Variants in NOL7 observed in about 807,000 individuals in gnomAD.
The protein encoded by NOL7 is U3 small nucleolar RNA-associated protein NOL7.
A neutral mutation model predicts 38.4 loss-of-function variants in NOL7; 36 were observed. That is an observed-to-expected ratio of 0.94 (90% CI 0.72 to 1.24). The LOEUF (loss-of-function observed/expected upper bound fraction) is 1.24, where lower values mean the gene tolerates loss of function less well. Among genes scored for constraint, NOL7 ranks in the 50% most tolerant of loss-of-function variants. NOL7 has a pLI of 0.00. For synonymous variants in NOL7, 142 were observed against 126.5 expected (o/e 1.12, Z -0.82); for missense variants, 350 against 315.1 (o/e 1.11, Z -0.84).
exon 9 of NOL7, chr6:13,632,437 A>G: frequency 6.2e-7 from 1 of 1,613,998 alleles, no homozygotes; most frequent in Non-Finnish European, 8.5e-7. Context: ...CATTGCTTGC[A>G]GCTCTCGTCC....
At chr6:13,625,630 G>A, downstream of NOL7, 1 of 1,504,058 alleles carries the variant, frequency 6.6e-7, no homozygotes, top group Non-Finnish European at 9.2e-7. Context: ...AACTGAAATT[G>A]TGCCTTATTT....
At chr6:13,620,356 C>CT in intron 6 of NOL7, 27 bp downstream of exon 6, 1 of 1,613,636 alleles carries the variant, frequency 6.2e-7, no homozygotes, top group Non-Finnish European at 8.5e-7. Flanking sequence ...CTATTTTTCT[C>CT]ACTTTTTACT....
intron 5 of NOL7, 57 bp from the exon 6 acceptor site, chr6:13,620,151 A>G (rs1209418283): frequency 2.6e-6 from 4 of 1,562,036 alleles, no homozygotes; most frequent in African/African-American, 1.4e-5. Flanking sequence ...TCAGGAAGAA[A>G]AAAAAAAGAA....
intron 5 of NOL7, among the ~76,000 whole-genome samples, chr6:13,618,599 C>A (rs1764352233): frequency 6.6e-6 from 1 of 152,120 alleles, no homozygotes; most frequent in Admixed American, 6.6e-5. Flanking sequence ...TGTGGAAAAA[C>A]CAATTTTGGG....
At position 13,615,643 on chromosome 6, in the gene NOL7, G is replaced by A. The variant is rs1272433985; in HGVS notation, c.266+19G>A. On this transcript the variant is annotated intron_variant, in intron 1 of 7. Transcript: ENST00000451315. ...TGCGCAGGTTCGGAGCCCGCTGCCC[G>A]GCGGGGAGAACCGCCCTTTCTCGTC... 3.7e-6 allele frequency: 6 copies of A among 1,610,580 alleles called. No homozygotes were observed. The highest frequency in any genetic ancestry group is 5.1e-6 in the Non-Finnish European group (6 of 1,178,160).
intron 4 of NOL7, 37 bp downstream of exon 4, chr6:13,617,838 G>A (rs1302907575): frequency 6.3e-7 from 1 of 1,585,688 alleles, no homozygotes; most frequent in Admixed American, 1.7e-5. Context: ...TCTCATGTAA[G>A]TGTCAAGTGC....
downstream of NOL7, among the ~76,000 whole-genome samples, chr6:13,624,955 C>T (rs1012574800): frequency 6.6e-6 from 1 of 152,154 alleles, no homozygotes; most frequent in African/African-American, 2.4e-5. Context: ...GCTTAGGCTG[C>T]TGCTACCCAT....
Position 13,621,297 on chromosome 6 carries a change from G to GAA in NOL7, c.*471_*472dup, listed in dbSNP as rs1237048056. On this transcript the variant is annotated 3_prime_UTR_variant, in exon 8 of 8. Coordinates refer to ENST00000451315, the MANE Select transcript of NOL7 (RefSeq NM_016167.5). ...GCCATATTATGAATATGAAAATAAT[G>GAA]AAGTTAATTTCCTGTTGCCTTTCTG... The GAA allele has an allele frequency of 6.6e-6, 1 of 152,420 alleles. No homozygotes were observed. Among genetic ancestry groups the GAA allele is most frequent in the Non-Finnish European group, 1.5e-5 (1 of 68,172 alleles). 9.4% of individuals were successfully genotyped at this position (152,420 alleles called of 1,614,324 possible).
At position 13,615,526 on chromosome 6, in the gene NOL7, C is replaced by G; in HGVS notation, c.168C>G (p.Asp56Glu). 1 of 1,556,882 alleles carries G rather than the reference C, an allele frequency of 6.4e-7. No individual in the cohort carries two copies. The highest frequency in any genetic ancestry group is 8.7e-7 in the Non-Finnish European group (1 of 1,149,856). ...AEPLEEDEEG[D>E]DEFDDEAPEE... ...CCCTGGAGGAAGACGAGGAAGGGGACGATGAGTTTGACGATGAGGCCCCGG... is the reference window on the plus strand; with the variant it reads ...CCCTGGAGGAAGACGAGGAAGGGGAGGATGAGTTTGACGATGAGGCCCCGG... Residue 56 changes from aspartate (D) to glutamate (E), a missense_variant, in exon 1 of 8, where the codon GAC (aspartate) becomes GAG (glutamate). By Grantham distance (45) the Asp-to-Glu change is conservative. Coordinates refer to ENST00000451315, the MANE Select transcript of NOL7 (RefSeq NM_016167.5).
rs149124203 is a variant in NOL7, at chr6:13,621,275, A to G, written c.*448A>G. On this transcript the variant is annotated 3_prime_UTR_variant, in exon 8 of 8. Transcript: ENST00000451315. ...GCTTGCCTGGTGAGTCTCATATGCC[A>G]TATTATGAATATGAAAATAATGAAG... 31 of 152,740 alleles carry G rather than the reference A, an allele frequency of 2.0e-4. No homozygotes were observed. Among genetic ancestry groups the G allele is most frequent in the African/African-American group, 5.5e-4 (23 of 41,574 alleles). 9.5% of individuals were successfully genotyped at this position (152,740 alleles called of 1,614,324 possible).
chr6:13,615,726 T>C lies in NOL7; in HGVS notation c.281T>C (p.Leu94Pro). The C allele has an allele frequency of 6.2e-7, 1 of 1,614,224 alleles. No individual in the cohort carries two copies. The highest frequency in any genetic ancestry group is 8.5e-7 in the Non-Finnish European group (1 of 1,180,034). Residue 94 changes from leucine (L) to proline (P), a missense_variant, in exon 2 of 8, where the codon CTG (leucine) becomes CCG (proline). Coordinates refer to ENST00000451315, the MANE Select transcript of NOL7 (RefSeq NM_016167.5). ...CTTCCTCCCAGGGATAAAACGCTCC[T>C]GAAGGAGAAGAGGAAGCGACGCGAG... ...RETVRRDKTL[L>P]KEKRKRREEL...
chr6:13,632,118 C>CTTTTTTTTTTTTTTTTTTTTTTTTTT (rs752500098), intron 8 of NOL7, among the ~76,000 whole-genome samples: 1 of 74,922 alleles, frequency 1.3e-5, no homozygotes. Context: ...GGATTTAATC[C>CTTTTTTTTTTTTTTTTTTTTTTTTTT]TTTTTTTTTT....
chr6:13,627,227 A>G (rs980192927), intron 8 of NOL7, among the ~76,000 whole-genome samples: 1 of 152,200 alleles, frequency 6.6e-6, no homozygotes, highest in African/African-American at 2.4e-5. Flanking sequence ...TATGCATCCC[A>G]CAAAGCTACT....
intron 3 of NOL7, 33 bp downstream of exon 3, chr6:13,616,554 A>T (rs1162090593): frequency 7.1e-7 from 1 of 1,401,828 alleles, no homozygotes; most frequent in East Asian, 2.3e-5. Context: ...TTACTTGCTT[A>T]TATACACCCA....
intron 3 of NOL7, among the ~76,000 whole-genome samples, chr6:13,617,290 C>T (rs1764318314): frequency 6.6e-6 from 1 of 150,738 alleles, no homozygotes; most frequent in African/African-American, 2.5e-5. Flanking sequence ...TGGCCTTTCT[C>T]CTGTGCAAAT....
downstream of NOL7, chr6:13,625,602 T>C (rs758859600): frequency 1.4e-5 from 19 of 1,364,450 alleles, no homozygotes; most frequent in Admixed American, 6.8e-5. Context: ...CACCCTCTCT[T>C]AAATTTTCAG....
Position 13,615,549 on chromosome 6 carries a change from C to A in NOL7, c.191C>A (p.Pro64Gln). 6.4e-7 allele frequency: 1 copy of A among 1,561,306 alleles called. No individual in the cohort carries two copies. Among genetic ancestry groups the A allele is most frequent in the East Asian group, 2.4e-5 (1 of 41,858 alleles). ...EGDDEFDDEA[P>Q]EELTFASAQA... ...GACGATGAGTTTGACGATGAGGCCC[C>A]GGAGGAGCTGACTTTCGCCAGCGCC... Residue 64 changes from proline (P) to glutamine (Q), a missense_variant, in exon 1 of 8, where the codon CCG becomes CAG. By Grantham distance (76) the Pro-to-Gln change is moderately conservative. Transcript: ENST00000451315.
chr6:13,615,718 A>G lies in NOL7; in HGVS notation c.273A>G (p.Lys91=). 6.2e-7 allele frequency: 1 copy of G among 1,614,252 alleles called. No individual in the cohort carries two copies. The highest frequency in any genetic ancestry group is 8.5e-7 in the Non-Finnish European group (1 of 1,180,046). The change falls in exon 2 of 8, where the codon AAA becomes AAG. Residue 91 remains lysine, a synonymous_variant. Transcript: ENST00000451315. ...TTATCACCCTTCCTCCCAGGGATAA[A>G]ACGCTCCTGAAGGAGAAGAGGAAGC... ...RRVRETVRRD[K]TLLKEKRKRR...
rs997142468 is a variant in NOL7 at position 13,617,023 on chromosome 6, ATT to A, written c.386+512_386+513del. ...AACCCTACTAAATTTAGCCTTCTAA[ATT>A]TTTTTTTTTCTATCCTCTTTTTCTC... On this transcript the variant is annotated intron_variant, in intron 3 of 7. Transcript: ENST00000451315. 4.7e-5 allele frequency among the ~76,000 whole-genome samples: 7 copies of A among 149,032 alleles called. No homozygotes were observed. In the East Asian group the frequency reaches 1.4e-3, roughly 29 times the overall value.
Sources: gnomAD v4.1 joint callset for allele counts (sites outside exome capture counted in the v4.1 genomes callset) on GRCh38, gnomAD v4.1.1 for gene constraint, MANE v1.5 for transcripts, NCBI Gene and HGNC (gene_info 2026-07-23, HGNC 2026-07-21) for gene names.